CTNNA2: variants seen among roughly 807,000 people sequenced by gnomAD.
CTNNA2 encodes the protein catenin alpha-2.
CTNNA2 carries 42 observed loss-of-function variants against 101.0 expected under a neutral mutation model. The observed-to-expected ratio is 0.42, with a 90% CI of 0.32 to 0.54. The LOEUF (loss-of-function observed/expected upper bound fraction) is 0.54, where lower values mean the gene tolerates loss of function less well. Ranked by LOEUF, CTNNA2 falls within the 20% of genes least tolerant of loss-of-function variation. The pLI is 0.14. For missense variants in CTNNA2, 871 were observed against 1,223.1 expected (o/e 0.71, Z 4.29); for synonymous variants, 450 against 456.4 (o/e 0.99, Z 0.18).
At chr2:79,509,555 C>A (rs1671490742), upstream of CTNNA2, among the ~76,000 whole-genome samples, 1 of 152,080 alleles carries the variant, frequency 6.6e-6, no homozygotes, top group African/African-American at 2.4e-5. Flanking sequence ...CTGGAGAAGG[C>A]AAAACTTGGA....
chr2:79,517,860 G>T, intron 1 of CTNNA2, among the ~76,000 whole-genome samples: 2 of 152,086 alleles, frequency 1.3e-5, no homozygotes, highest in Middle Eastern at 6.8e-3. Flanking sequence ...CCTTATCTGC[G>T]TACACAACTA....
intron 2 of CTNNA2, among the ~76,000 whole-genome samples, chr2:79,233,850 A>G (rs985101185): frequency 6.6e-6 from 1 of 151,976 alleles, no homozygotes; most frequent in Non-Finnish European, 1.5e-5. Context: ...AATCTATTTT[A>G]TATGGTATAA....
At chr2:79,821,661 C>A (rs1394220290) in intron 3 of CTNNA2, among the ~76,000 whole-genome samples, 1 of 152,042 alleles carries the variant, frequency 6.6e-6, no homozygotes, top group Non-Finnish European at 1.5e-5. Context: ...AAATATTTGG[C>A]AAGAGAGGAA....
intron 7 of CTNNA2, among the ~76,000 whole-genome samples, chr2:80,285,209 G>A (rs537180713): frequency 9.9e-5 from 15 of 152,262 alleles, no homozygotes; most frequent in African/African-American, 3.6e-4. Context: ...GATGAAGAAG[G>A]TGGGGAATGG....
chr2:79,928,265 A>G (rs551811178), intron 7 of CTNNA2, among the ~76,000 whole-genome samples: 1 of 152,168 alleles, frequency 6.6e-6, no homozygotes, highest in African/African-American at 2.4e-5. Flanking sequence ...TGTGGTTTTA[A>G]TTGTCATGCA....
chr2:79,225,569 A>T (rs1040153162), intron 2 of CTNNA2, among the ~76,000 whole-genome samples: 6 of 152,190 alleles, frequency 3.9e-5, no homozygotes, highest in African/African-American at 1.2e-4. Context: ...GCAATTAAAT[A>T]TAAGGCCCAT....
At position 80,561,387 on chromosome 2, in the gene CTNNA2, T is replaced by A. The variant is rs189196446; in HGVS notation, c.1741+5494T>A. Among the ~76,000 whole-genome samples, 213 of 152,344 alleles carry A rather than the reference T, an allele frequency of 1.4e-3. 2 individuals carry two copies. Among genetic ancestry groups the A allele is most frequent in the Admixed American group, 3.0e-3 (46 of 15,296 alleles). On this transcript the variant is annotated intron_variant, in intron 12 of 18. Transcript: ENST00000402739. ...TTTTATATGACTAAAACCTATATAC[T>A]CTAAGTATTGTAGAAATCTGATAAG... is the stretch of plus-strand genomic sequence containing the variant.
intron 2 of CTNNA2, among the ~76,000 whole-genome samples, chr2:79,724,156 G>A (rs1414488212): frequency 6.6e-6 from 1 of 151,846 alleles, no homozygotes; most frequent in East Asian, 1.9e-4. Flanking sequence ...AGCTTCTGGT[G>A]GCCTTAACTT....
intron 9 of CTNNA2, among the ~76,000 whole-genome samples, chr2:80,440,229 C>T (rs141247691): frequency 6.6e-6 from 1 of 152,218 alleles, no homozygotes; most frequent in African/African-American, 2.4e-5. Context: ...ATAGCATAAT[C>T]ACCCAAAAGA....
chr2:80,013,272 T>A (rs2104036122), intron 7 of CTNNA2, among the ~76,000 whole-genome samples: 1 of 152,234 alleles, frequency 6.6e-6, no homozygotes, highest in South Asian at 2.1e-4. Context: ...AGATTTGAGT[T>A]TTCACCCTTT....
intron 1 of CTNNA2, among the ~76,000 whole-genome samples, chr2:79,569,890 T>C (rs1227071149): frequency 6.6e-6 from 1 of 152,180 alleles, no homozygotes; most frequent in Non-Finnish European, 1.5e-5. Flanking sequence ...TAAACTAACA[T>C]AGCTAAACTA....
chr2:80,472,776 G>A (rs1685412221), intron 9 of CTNNA2, among the ~76,000 whole-genome samples: 1 of 152,090 alleles, frequency 6.6e-6, no homozygotes, highest in South Asian at 2.1e-4. Flanking sequence ...ATTAAACAAG[G>A]CTTGTGGGCT....
chr2:80,545,914 A>G lies in CTNNA2; in HGVS notation c.1391A>G (p.Asn464Ser), dbSNP rs372130983. The change falls in exon 11 of 19, where the codon AAT (asparagine) becomes AGT (serine). Residue 464 changes from asparagine to serine, a missense_variant. Physicochemically the swap from Asn to Ser is conservative, Grantham distance 46 (BLOSUM62 1). This residue lies in a region of CTNNA2 where 647 missense variants were observed against 831.5 expected (regional missense o/e 0.78). Coordinates refer to ENST00000402739, the MANE Select transcript of CTNNA2 (RefSeq NM_001282597.3). ...ATTGTTTCCAACAAATAGGTCATCA[A>G]TGCCGCTCTGACACTGGCTGCCCGG... ...QIDSLCPQVINAALTLAARPQ... is the reference protein window; with the variant it reads ...QIDSLCPQVISAALTLAARPQ... 6.2e-6 allele frequency: 10 copies of G among 1,613,768 alleles called. No homozygotes were observed. The highest frequency in any genetic ancestry group is 6.8e-6 in the Non-Finnish European group (8 of 1,179,898).
intron 1 of CTNNA2, among the ~76,000 whole-genome samples, chr2:79,517,843 T>G (rs566329097): frequency 6.6e-6 from 1 of 152,328 alleles, no homozygotes; most frequent in East Asian, 1.9e-4. Flanking sequence ...TTCCTTTTAT[T>G]AATAGGCCTT....
chr2:79,983,459 C>G (rs1008192591), intron 7 of CTNNA2, among the ~76,000 whole-genome samples: 3 of 152,058 alleles, frequency 2.0e-5, no homozygotes, highest in African/African-American at 7.2e-5. Context: ...GGGAGGGTCT[C>G]CTTTAGATAC....
At chr2:80,287,665 A>T (rs1180152383) in intron 7 of CTNNA2, among the ~76,000 whole-genome samples, 2 of 152,158 alleles carry the variant, frequency 1.3e-5, no homozygotes, top group Admixed American at 1.3e-4. Context: ...CCATCTCTAG[A>T]TTAATAGGGG....
chr2:79,591,473 G>GA (rs35360779), intron 1 of CTNNA2, among the ~76,000 whole-genome samples: 119,837 of 152,032 alleles, frequency 0.79, 47,485 homozygotes, highest in Middle Eastern at 0.84. Context: ...CCCTGAGGGG[G>GA]AAAAACAGCA....
At chr2:80,260,045 G>A (rs1558948615) in intron 7 of CTNNA2, among the ~76,000 whole-genome samples, 1 of 152,068 alleles carries the variant, frequency 6.6e-6, no homozygotes, top group African/African-American at 2.4e-5. Flanking sequence ...TCTTTTAATC[G>A]TCACAGTAAT....
chr2:79,814,241 T>C (rs1174225015), intron 3 of CTNNA2, among the ~76,000 whole-genome samples: 2 of 152,192 alleles, frequency 1.3e-5, no homozygotes, highest in African/African-American at 4.8e-5. Context: ...AAAAATATTT[T>C]TTACTTTTTT....
Sources: allele counts gnomAD v4.1 joint callset (sites outside exome capture counted in the v4.1 genomes callset), GRCh38; gene constraint gnomAD v4.1.1; regional missense constraint gnomAD v4.1.1; transcripts MANE v1.5; gene names NCBI Gene and HGNC (gene_info 2026-07-23, HGNC 2026-07-21).